Variants in UNC5C observed in about 807,000 individuals in gnomAD.
UNC5C encodes netrin receptor UNC5C.
In UNC5C, 47 loss-of-function variants were observed where a neutral mutation model predicts 99.8. The observed-to-expected ratio is 0.47, with a 90% CI of 0.37 to 0.60. UNC5C has a LOEUF of 0.60. Among genes scored for constraint, UNC5C ranks in the 20% least tolerant of loss-of-function variants. The pLI is 0.00. For missense variants in UNC5C, 1,062 were observed against 1,165.9 expected, an observed-to-expected ratio of 0.91 and a Z score of 1.30; for synonymous variants, 487 against 452.2, an observed-to-expected ratio of 1.08 and a Z score of -0.98.
At chr4:95,209,213 C>T (rs1042887600) in intron 10 of UNC5C, among the ~76,000 whole-genome samples, 3 of 152,144 alleles carry the variant, frequency 2.0e-5, no homozygotes, top group African/African-American at 7.2e-5. Flanking sequence ...CATGATGGTA[C>T]TCTGTATAAT....
intron 1 of UNC5C, among the ~76,000 whole-genome samples, chr4:95,484,070 A>T (rs1159530014): frequency 6.6e-6 from 1 of 151,856 alleles, no homozygotes; most frequent in Non-Finnish European, 1.5e-5. Flanking sequence ...TAAAAAAACC[A>T]TATTGGTTAG....
chr4:95,229,756 C>T (rs1048152547), intron 7 of UNC5C, among the ~76,000 whole-genome samples: 4 of 148,352 alleles, frequency 2.7e-5, no homozygotes, highest in African/African-American at 1.0e-4. Flanking sequence ...AGTATAAAAG[C>T]ATTCCTATTT....
At chr4:95,183,099 T>G (rs1327703556) in intron 13 of UNC5C, 38 bp from the exon 14 acceptor site, 6 of 1,570,808 alleles carry the variant, frequency 3.8e-6, no homozygotes, top group African/African-American at 1.3e-5. Flanking sequence ...ATTGAAGGAC[T>G]AATACCAAAA....
Position 95,183,069 on chromosome 4 carries a change from A to G in UNC5C, c.2287-8T>C. 5.0e-6 allele frequency: 8 copies of G among 1,596,976 alleles called. No individual in the cohort carries two copies. The highest frequency in any genetic ancestry group is 6.9e-6 in the Non-Finnish European group (8 of 1,166,448). ...ATGGTAAAATGGAATTTCCTAAAGG[A>G]TATGAAAGTGTTAACCACAATTGAA... On this transcript the variant is annotated splice_region_variant and splice_polypyrimidine_tract_variant and intron_variant, in intron 13 of 15. Coordinates refer to ENST00000453304, the MANE Select transcript of UNC5C (RefSeq NM_003728.4).
rs1244695055 is a variant in UNC5C at position 95,301,884 on chromosome 4, CTT to C, written c.347-137_347-136del. 10 of 1,150,702 alleles carry C rather than the reference CTT, an allele frequency of 8.7e-6. No homozygotes were observed. The African/African-American group carries it at 9.4e-5, about 11-fold the overall frequency. 71.3% of individuals were successfully genotyped at this position (1,150,702 alleles called of 1,614,324 possible). On this transcript the variant is annotated intron_variant, in intron 2 of 15. Transcript: ENST00000453304. ...ACAACCCAGATATTGTCTCTCATCT[CTT>C]TTGACTTTCTTCTCGTTCCAGTTAT...
At chr4:95,445,415 G>A (rs1312924600) in intron 1 of UNC5C, among the ~76,000 whole-genome samples, 1 of 152,030 alleles carries the variant, frequency 6.6e-6, no homozygotes, top group Non-Finnish European at 1.5e-5. Flanking sequence ...GTTCCGTTCG[G>A]ATTCAGCTGG....
At chr4:95,367,794 C>T (rs1744618625) in intron 1 of UNC5C, among the ~76,000 whole-genome samples, 1 of 152,114 alleles carries the variant, frequency 6.6e-6, no homozygotes, top group Non-Finnish European at 1.5e-5. Flanking sequence ...TCAAGGAGAT[C>T]AATTATATTA....
intron 7 of UNC5C, among the ~76,000 whole-genome samples, chr4:95,233,025 G>A (rs1289427150): frequency 2.0e-5 from 3 of 152,166 alleles, no homozygotes; most frequent in African/African-American, 4.8e-5. Flanking sequence ...GGTTATAAAC[G>A]TATCATTCTA....
intron 1 of UNC5C, among the ~76,000 whole-genome samples, chr4:95,414,555 A>T (rs1326182421): frequency 6.6e-6 from 1 of 152,216 alleles, no homozygotes; most frequent in Admixed American, 6.5e-5. Flanking sequence ...TCCTTAGACC[A>T]AGCTGTTTTT....
chr4:95,413,625 C>T lies in UNC5C; in HGVS notation c.125-77994G>A, dbSNP rs183947381. ...GAAGGTTTGAAAGCTACACAGACTGCGGAAAGTGTTTTCTGGGACTGTGTT... is the reference window on the plus strand; with the variant it reads ...GAAGGTTTGAAAGCTACACAGACTGTGGAAAGTGTTTTCTGGGACTGTGTT... On this transcript the variant is annotated intron_variant, in intron 1 of 15. Coordinates refer to ENST00000453304, the MANE Select transcript of UNC5C (RefSeq NM_003728.4). Among the ~76,000 whole-genome samples, 661 of 152,294 alleles carry T rather than the reference C, an allele frequency of 4.3e-3. 4 individuals carry two copies. The highest frequency in any genetic ancestry group is 0.015 in the African/African-American group (627 of 41,566).
chr4:95,440,831 A>G (rs764846706), intron 1 of UNC5C, among the ~76,000 whole-genome samples: 1 of 152,198 alleles, frequency 6.6e-6, no homozygotes, highest in Non-Finnish European at 1.5e-5. Context: ...TTCTTTAATA[A>G]ATAATACTTA....
intron 5 of UNC5C, among the ~76,000 whole-genome samples, chr4:95,249,389 T>C (rs1364324180): frequency 2.0e-5 from 3 of 152,216 alleles, no homozygotes; most frequent in East Asian, 3.8e-4. Context: ...ATCTTCATTA[T>C]GTTCTAAGAG....
At chr4:95,488,263 C>T (rs969263813) in intron 1 of UNC5C, among the ~76,000 whole-genome samples, 24 of 151,688 alleles carry the variant, frequency 1.6e-4, no homozygotes, top group Admixed American at 1.4e-3. Context: ...GTGCTATGTA[C>T]ACAATATACT....
At chr4:95,226,824 T>G (rs912663454) in intron 7 of UNC5C, among the ~76,000 whole-genome samples, 1 of 148,868 alleles carries the variant, frequency 6.7e-6, no homozygotes, top group Non-Finnish European at 1.5e-5. Flanking sequence ...AGGGATGGTG[T>G]TTTTTTTTGG....
intron 7 of UNC5C, among the ~76,000 whole-genome samples, chr4:95,222,043 C>A (rs1003678575): frequency 6.6e-6 from 1 of 152,026 alleles, no homozygotes; most frequent in Admixed American, 6.6e-5. Context: ...TTGAAATGAC[C>A]CTTTCTTCTC....
intron 1 of UNC5C, among the ~76,000 whole-genome samples, chr4:95,453,887 C>A (rs966546263): frequency 2.0e-5 from 3 of 152,022 alleles, no homozygotes; most frequent in Non-Finnish European, 2.9e-5. Flanking sequence ...ATGAGGCATA[C>A]AATCAATGCA....
intron 14 of UNC5C, among the ~76,000 whole-genome samples, chr4:95,178,526 C>T (rs541036858): frequency 9.9e-5 from 15 of 152,222 alleles, no homozygotes; most frequent in African/African-American, 3.6e-4. Flanking sequence ...AACACTGTGC[C>T]CCACACACAA....
At chr4:95,506,202 A>T (rs1721916996) in intron 1 of UNC5C, among the ~76,000 whole-genome samples, 1 of 152,094 alleles carries the variant, frequency 6.6e-6, no homozygotes, top group Non-Finnish European at 1.5e-5. Context: ...ATATCATATA[A>T]GAATAATCAA....
intron 14 of UNC5C, among the ~76,000 whole-genome samples, chr4:95,176,433 C>A (rs1736346846): frequency 6.6e-6 from 1 of 151,958 alleles, no homozygotes; most frequent in African/African-American, 2.4e-5. Flanking sequence ...TGTGGATGTC[C>A]TTTCTGTTTG....
Sources: allele counts gnomAD v4.1 joint callset (sites outside exome capture counted in the v4.1 genomes callset), GRCh38; gene constraint gnomAD v4.1.1; transcripts MANE v1.5; gene names NCBI Gene and HGNC (gene_info 2026-07-23, HGNC 2026-07-21).